Variants in ARHGAP15 observed in about 807,000 individuals in gnomAD.
ARHGAP15 encodes the protein Rho GTPase activating protein 15, also known as rho GTPase-activating protein 15.
In ARHGAP15, 51 loss-of-function variants were observed where a neutral mutation model predicts 63.7. The observed-to-expected ratio is 0.80, with a 90% confidence interval of 0.64 to 1.01. The LOEUF (loss-of-function observed/expected upper bound fraction) is 1.01, where lower values mean the gene tolerates loss of function less well. ARHGAP15 is among the 50% of genes least tolerant of loss of function. ARHGAP15 has a pLI of 0.00. For missense variants in ARHGAP15, 560 were observed against 564.6 expected, an observed-to-expected ratio of 0.99 and a Z score of 0.08; for synonymous variants, 191 against 193.8, an observed-to-expected ratio of 0.99 and a Z score of 0.12.
At chr2:143,760,424 GTTGT>G (rs1686720843) in intron 13 of ARHGAP15, among the ~76,000 whole-genome samples, 2 of 152,026 alleles carry the variant, frequency 1.3e-5, no homozygotes, top group African/African-American at 4.8e-5. Flanking sequence ...TTTATCTGTG[GTTGT>G]TATCACCTTA....
At chr2:143,454,291 T>C (rs1690544421) in intron 8 of ARHGAP15, among the ~76,000 whole-genome samples, 1 of 152,028 alleles carries the variant, frequency 6.6e-6, no homozygotes, top group African/African-American at 2.4e-5. Flanking sequence ...GCCAAGTTTA[T>C]TGTAAGTTAG....
chr2:143,545,178 G>T (rs554324556), intron 10 of ARHGAP15, among the ~76,000 whole-genome samples: 10 of 152,150 alleles, frequency 6.6e-5, no homozygotes, highest in Non-Finnish European at 5.9e-5. Context: ...CACTTGAGAG[G>T]CAGCGGCCAG....
intron 11 of ARHGAP15, 81 bp downstream of exon 11, chr2:143,556,566 G>A: frequency 1.1e-6 from 1 of 940,786 alleles, no homozygotes; most frequent in East Asian, 2.7e-5. Context: ...TATGTACTGT[G>A]AATAATAATA....
intron 13 of ARHGAP15, among the ~76,000 whole-genome samples, chr2:143,757,663 G>A (rs1686627588): frequency 6.6e-6 from 1 of 152,078 alleles, no homozygotes; most frequent in Non-Finnish European, 1.5e-5. Flanking sequence ...TTCAACAAAT[G>A]TCATAGGGAA....
intron 10 of ARHGAP15, among the ~76,000 whole-genome samples, chr2:143,535,055 TTA>T (rs1694692157): frequency 6.6e-6 from 1 of 152,132 alleles, no homozygotes; most frequent in African/African-American, 2.4e-5. Context: ...TAAGAATAAA[TTA>T]TGTTAAAATA....
chr2:143,200,394 G>C (rs1490153415), intron 2 of ARHGAP15, among the ~76,000 whole-genome samples: 2 of 146,520 alleles, frequency 1.4e-5, no homozygotes, highest in Non-Finnish European at 3.0e-5. Context: ...TTTTTTGGTA[G>C]AACAATTCTC....
At chr2:143,357,074 T>G (rs986911189) in intron 6 of ARHGAP15, among the ~76,000 whole-genome samples, 1 of 152,210 alleles carries the variant, frequency 6.6e-6, no homozygotes, top group Non-Finnish European at 1.5e-5. Flanking sequence ...TCACCACACC[T>G]GAATATGGAT....
At chr2:143,636,199 G>A (rs1680306084) in intron 12 of ARHGAP15, among the ~76,000 whole-genome samples, 1 of 152,086 alleles carries the variant, frequency 6.6e-6, no homozygotes. Flanking sequence ...GTTGCAGGTG[G>A]TTACTGTCTT....
At chr2:143,366,393 T>C (rs947291306) in intron 6 of ARHGAP15, among the ~76,000 whole-genome samples, 1 of 152,118 alleles carries the variant, frequency 6.6e-6, no homozygotes, top group Admixed American at 6.5e-5. Flanking sequence ...TAATAATACA[T>C]GAATTTTCTT....
chr2:143,359,457 G>A (rs945828166), intron 6 of ARHGAP15, among the ~76,000 whole-genome samples: 13 of 151,892 alleles, frequency 8.6e-5, no homozygotes, highest in African/African-American at 3.1e-4. Context: ...GTCACTCTTA[G>A]GAAAATGTTC....
intron 2 of ARHGAP15, among the ~76,000 whole-genome samples, chr2:143,200,711 C>CT (rs769215167): frequency 1.5e-4 from 23 of 152,082 alleles, no homozygotes; most frequent in Admixed American, 2.6e-4. Context: ...ATTGTAGAAT[C>CT]TGTCTATTAT....
At chr2:143,497,343 G>A (rs1437548373) in intron 9 of ARHGAP15, among the ~76,000 whole-genome samples, 2 of 152,158 alleles carry the variant, frequency 1.3e-5, no homozygotes, top group Non-Finnish European at 2.9e-5. Flanking sequence ...TGGAGAGATG[G>A]CCCATGGCTG....
intron 10 of ARHGAP15, among the ~76,000 whole-genome samples, chr2:143,545,117 T>C (rs1695273444): frequency 1.3e-5 from 2 of 152,218 alleles, no homozygotes; most frequent in African/African-American, 4.8e-5. Context: ...TATACTCAAA[T>C]GGGTTTGTAG....
chr2:143,428,853 A>G (rs534340717), intron 6 of ARHGAP15, among the ~76,000 whole-genome samples: 1 of 152,282 alleles, frequency 6.6e-6, no homozygotes, highest in South Asian at 2.1e-4. Flanking sequence ...ACTGTGACTA[A>G]ATGAGTAATT....
intron 12 of ARHGAP15, among the ~76,000 whole-genome samples, chr2:143,683,764 A>G (rs987879595): frequency 6.6e-6 from 1 of 152,172 alleles, no homozygotes; most frequent in African/African-American, 2.4e-5. Context: ...TCATTTCTAT[A>G]TTTCATCAAG....
At chr2:143,723,437 G>A (rs1685149679) in intron 13 of ARHGAP15, among the ~76,000 whole-genome samples, 1 of 152,224 alleles carries the variant, frequency 6.6e-6, no homozygotes, top group African/African-American at 2.4e-5. Context: ...GGTGTTGGCT[G>A]TGGAGCTCAT....
At chr2:143,569,168 AAAC>A (rs1465231105) in intron 11 of ARHGAP15, among the ~76,000 whole-genome samples, 1 of 137,142 alleles carries the variant, frequency 7.3e-6, no homozygotes, top group Non-Finnish European at 1.7e-5. Context: ...ATAATAATTT[AAAC>A]AAAAAAAAAG....
chr2:143,197,927 G>A (rs1435075123), intron 2 of ARHGAP15, among the ~76,000 whole-genome samples: 1 of 151,308 alleles, frequency 6.6e-6, no homozygotes, highest in Non-Finnish European at 1.5e-5. Flanking sequence ...GCACGTGGAG[G>A]CTCTCAACTT....
At chr2:143,569,404 G>A (rs148834498) in intron 11 of ARHGAP15, among the ~76,000 whole-genome samples, 3 of 152,266 alleles carry the variant, frequency 2.0e-5, no homozygotes, top group African/African-American at 2.4e-5. Flanking sequence ...AGATGGAGAC[G>A]GGTGAGGTGG....
Sources: allele counts gnomAD v4.1 joint callset (sites outside exome capture counted in the v4.1 genomes callset), GRCh38; gene constraint gnomAD v4.1.1; transcripts MANE v1.5; gene names NCBI Gene and HGNC (gene_info 2026-07-23, HGNC 2026-07-21).